The following RCC1L variants were observed in gnomAD, a reference collection of about 807,000 sequenced individuals.
The protein encoded by RCC1L is RCC1-like G exchanging factor-like protein.
In RCC1L, 46 loss-of-function variants were observed where a neutral mutation model predicts 58.6. That is an observed-to-expected ratio of 0.79 (90% confidence interval 0.62 to 1.00). The LOEUF is 1.00. Among genes scored for constraint, RCC1L ranks in the 50% least tolerant of loss-of-function variants. The probability of loss-of-function intolerance (pLI) is 0.00; values close to 1 mark genes in which losing one functional copy is unlikely to be tolerated. For missense variants in RCC1L, 636 were observed against 623.6 expected, an observed-to-expected ratio of 1.02 and a Z score of -0.21; for synonymous variants, 281 against 262.9, an observed-to-expected ratio of 1.07 and a Z score of -0.67.
chr7:75,073,713 C>T lies in RCC1L; in HGVS notation c.25G>A (p.Gly9Arg), dbSNP rs1213432851. MALVALVA[G>R]ARLGRRLSGP... ...CTCAGCCGCCGCCCCAGCCGAGCCC[C>T]AGCCACCAACGCCACCAGCGCCATC... The change falls in exon 1 of 11, where the codon GGG becomes AGG. Residue 9 changes from glycine (G) to arginine (R), a missense_variant. By Grantham distance (125) the Gly-to-Arg change is moderately radical. Coordinates refer to ENST00000610322, the MANE Select transcript of RCC1L (RefSeq NM_030798.5). The T allele has an allele frequency of 4.0e-6, 6 of 1,511,494 alleles. No homozygotes were observed. The highest frequency in any genetic ancestry group is 5.3e-6 in the Non-Finnish European group (6 of 1,136,646). 93.6% of individuals were successfully genotyped at this position (1,511,494 alleles called of 1,614,324 possible). A position where few individuals can be genotyped will look rare whatever the true frequency, so the allele number is the denominator to read the frequency against.
At chr7:75,029,473 A>G (rs1805238615) in intron 10 of RCC1L, among the ~76,000 whole-genome samples, 7 of 150,486 alleles carry the variant, frequency 4.7e-5, no homozygotes. Context: ...CCTCCCAAGT[A>G]GCTGGGATTA....
chr7:75,052,933 T>A (rs1047490864), intron 9 of RCC1L, 137 bp from the exon 10 acceptor site: 10 of 850,020 alleles, frequency 1.2e-5, no homozygotes, highest in African/African-American at 8.5e-5. Flanking sequence ...CAGGCGTTCA[T>A]GCTTTCTTTG....
chr7:75,041,165 G>C (rs1805551493), downstream of RCC1L, among the ~76,000 whole-genome samples: 1 of 152,092 alleles, frequency 6.6e-6, no homozygotes, highest in Non-Finnish European at 1.5e-5. Flanking sequence ...AGTGAGCCGA[G>C]ATCGCGCCAC....
At chr7:75,049,477 C>A (rs1434878693) in intron 10 of RCC1L, among the ~76,000 whole-genome samples, 1 of 151,720 alleles carries the variant, frequency 6.6e-6, no homozygotes, top group Non-Finnish European at 1.5e-5. Flanking sequence ...CACATAAGAC[C>A]CCGTCTCTTA....
chr7:75,056,199 T>TTC, intron 8 of RCC1L, 125 bp from the exon 9 acceptor site: 1 of 1,136,634 alleles, frequency 8.8e-7, no homozygotes, highest in Non-Finnish European at 1.3e-6. Flanking sequence ...TTTTTTTGTT[T>TTC]TGTTTTTTTC....
chr7:75,068,557 G>T (rs1806594110), intron 2 of RCC1L, among the ~76,000 whole-genome samples: 1 of 151,476 alleles, frequency 6.6e-6, no homozygotes. Flanking sequence ...GTGATGGCGG[G>T]CGCCTGTAGT....
chr7:75,052,039 T>TAAACA (rs1805929650), intron 10 of RCC1L, among the ~76,000 whole-genome samples: 1 of 152,134 alleles, frequency 6.6e-6, no homozygotes, highest in African/African-American at 2.4e-5. Context: ...ACTGACTTAG[T>TAAACA]AAACAACACT....
chr7:75,034,290 C>T (rs1294523808), intron 10 of RCC1L, among the ~76,000 whole-genome samples: 4 of 152,010 alleles, frequency 2.6e-5, no homozygotes, highest in Non-Finnish European at 5.9e-5. Flanking sequence ...CCAAGGTGGG[C>T]GGATTGTCTG....
downstream of RCC1L, among the ~76,000 whole-genome samples, chr7:75,041,231 TAACTAACTA>T (rs1243234194): frequency 4.0e-5 from 6 of 151,328 alleles, no homozygotes; most frequent in African/African-American, 1.5e-4. Flanking sequence ...ACTAACTAAC[TAACTAACTA>T]AATAAATAAA....
At chr7:75,066,056 C>G (rs1806467978) in intron 3 of RCC1L, among the ~76,000 whole-genome samples, 1 of 151,518 alleles carries the variant, frequency 6.6e-6, no homozygotes, top group African/African-American at 2.4e-5. Flanking sequence ...TACACACCAC[C>G]CAGCTCAGGG....
chr7:75,034,554 G>A (rs1805392579), intron 10 of RCC1L, among the ~76,000 whole-genome samples: 2 of 152,118 alleles, frequency 1.3e-5, no homozygotes, highest in Non-Finnish European at 2.9e-5. Context: ...TTGCTCTGAC[G>A]GTTCTTGGCA....
chr7:75,068,554 C>A (rs1157312763), intron 2 of RCC1L, among the ~76,000 whole-genome samples: 1 of 151,448 alleles, frequency 6.6e-6, no homozygotes, highest in Non-Finnish European at 1.5e-5. Context: ...GGTGTGATGG[C>A]GGGCGCCTGT....
chr7:75,059,569 G>T (rs1469481383), intron 6 of RCC1L, among the ~76,000 whole-genome samples: 8 of 151,936 alleles, frequency 5.3e-5, no homozygotes, highest in African/African-American at 1.9e-4. Context: ...ACTGCGCCTG[G>T]TCTAAAATTT....
chr7:75,037,590 C>T (rs1372875416), downstream of RCC1L, among the ~76,000 whole-genome samples: 3 of 148,818 alleles, frequency 2.0e-5, no homozygotes, highest in South Asian at 2.1e-4. Flanking sequence ...CTGCAACCTC[C>T]GCTTCCTGGA....
intron 10 of RCC1L, among the ~76,000 whole-genome samples, chr7:75,047,386 C>T (rs1004249682): frequency 4.4e-4 from 67 of 152,348 alleles, no homozygotes; most frequent in Middle Eastern, 3.4e-3. Flanking sequence ...CCTGCCTCAG[C>T]CTCCCAGGGA....
At chr7:75,038,520 G>A (rs1034512765), downstream of RCC1L, among the ~76,000 whole-genome samples, 76 of 148,710 alleles carry the variant, frequency 5.1e-4, no homozygotes, top group South Asian at 6.1e-3. Context: ...TGCAACCTCC[G>A]CTTCCCGCCT....
chr7:75,042,419 T>C lies in RCC1L; in HGVS notation c.*613A>G, dbSNP rs1554442377. ...TTCTTAACTTTTCCAAGCCAGGCAG[T>C]GAGCGTGGTGGGAGGCTGGGGCTGG... On this transcript the variant is annotated 3_prime_UTR_variant, in exon 11 of 11. Transcript: ENST00000610322. 3 of 986,006 alleles carry C rather than the reference T, an allele frequency of 3.0e-6. No individual in the cohort carries two copies. The highest frequency in any genetic ancestry group is 4.7e-5 in the South Asian group (1 of 21,324). 61.1% of individuals were successfully genotyped at this position (986,006 alleles called of 1,614,324 possible).
intron 10 of RCC1L, among the ~76,000 whole-genome samples, chr7:75,044,599 GAAAAAAAAAAA>G (rs1169350324): frequency 7.4e-5 from 3 of 40,662 alleles, no homozygotes; most frequent in African/African-American, 3.3e-4. Flanking sequence ...ACTCTGTCTC[GAAAAAAAAAAA>G]AAAAAAAAAA....
intron 10 of RCC1L, among the ~76,000 whole-genome samples, chr7:75,030,029 CCAGCCAGGAG>C (rs1201398359): frequency 5.3e-5 from 8 of 152,330 alleles, no homozygotes; most frequent in South Asian, 2.1e-4. Context: ...GGGAAGGAAG[CCAGCCAGGAG>C]CAGCCTGGAG....
Sources: gnomAD v4.1 joint callset for allele counts (sites outside exome capture counted in the v4.1 genomes callset) on GRCh38, gnomAD v4.1.1 for gene constraint, MANE v1.5 for transcripts, NCBI Gene and HGNC (gene_info 2026-07-23, HGNC 2026-07-21) for gene names.